Variants in LOC128462377 observed in about 807,000 individuals in gnomAD.
At chr16:89,407,852 C>CAAAAAA in the LOC128462377 span, among the ~76,000 whole-genome samples, 3 of 111,418 alleles carry the variant, frequency 2.7e-5, no homozygotes, top group Admixed American at 1.0e-4. Flanking sequence ...TGTCTCCCTC[C>CAAAAAA]AAAAAAAAAA....
chr16:89,360,312 G>T, the LOC128462377 span, among the ~76,000 whole-genome samples: 1 of 152,092 alleles, frequency 6.6e-6, no homozygotes, highest in East Asian at 1.9e-4. Context: ...GCCCAAGCTG[G>T]CCTGAAACTC....
At chr16:89,416,920 TG>T in the LOC128462377 span, among the ~76,000 whole-genome samples, 1 of 152,124 alleles carries the variant, frequency 6.6e-6, no homozygotes, top group Non-Finnish European at 1.5e-5. Context: ...CCCATGTACC[TG>T]GCCCCTCCAT....
the LOC128462377 span, among the ~76,000 whole-genome samples, chr16:89,338,123 G>A: frequency 1.2e-4 from 18 of 152,182 alleles, no homozygotes; most frequent in Non-Finnish European, 2.1e-4. Flanking sequence ...GACGCCGCCC[G>A]TCAGGCTCCC....
chr16:89,345,699 C>T, the LOC128462377 span, among the ~76,000 whole-genome samples: 4 of 152,166 alleles, frequency 2.6e-5, no homozygotes, highest in South Asian at 2.1e-4. Flanking sequence ...TGGCTCAGCA[C>T]GAGCTGAGTG....
the LOC128462377 span, among the ~76,000 whole-genome samples, chr16:89,371,159 G>A: frequency 2.6e-5 from 4 of 152,264 alleles, no homozygotes; most frequent in African/African-American, 7.2e-5. Flanking sequence ...GCACGTAAGT[G>A]GCTGGTCCCA....
the LOC128462377 span, among the ~76,000 whole-genome samples, chr16:89,394,823 T>C: frequency 4.4e-4 from 67 of 152,192 alleles, 1 homozygote; most frequent in African/African-American, 1.3e-3. Flanking sequence ...CATGAGGTTA[T>C]TGAGTTATTT....
the LOC128462377 span, among the ~76,000 whole-genome samples, chr16:89,406,303 C>T: frequency 6.6e-6 from 1 of 152,154 alleles, no homozygotes; most frequent in African/African-American, 2.4e-5. Flanking sequence ...ACGGCACTGA[C>T]AGAAGCACAG....
the LOC128462377 span, among the ~76,000 whole-genome samples, chr16:89,332,351 G>A: frequency 1.3e-5 from 2 of 152,152 alleles, no homozygotes; most frequent in Non-Finnish European, 1.5e-5. Flanking sequence ...AGCACCTCTG[G>A]TGGGCTGTAC....
At chr16:89,326,142 G>C in the LOC128462377 span, among the ~76,000 whole-genome samples, 1 of 152,242 alleles carries the variant, frequency 6.6e-6, no homozygotes, top group Admixed American at 6.5e-5. Context: ...AAGCAGGCGT[G>C]TGTGTTAAAG....
chr16:89,359,623 A>T, the LOC128462377 span, among the ~76,000 whole-genome samples: 1 of 152,272 alleles, frequency 6.6e-6, no homozygotes, highest in South Asian at 2.1e-4. Context: ...AGAGCTGCTC[A>T]TTTCAGCTTC....
the LOC128462377 span, chr16:89,418,160 C>T: frequency 7.4e-6 from 3 of 408,142 alleles, no homozygotes; most frequent in South Asian, 3.4e-5. Context: ...AAATTCACAA[C>T]ATTTCGACAA....
the LOC128462377 span, among the ~76,000 whole-genome samples, chr16:89,318,843 C>T: frequency 8.4e-3 from 1,280 of 152,330 alleles, 8 homozygotes; most frequent in Non-Finnish European, 0.014. Context: ...CCTCCACCCG[C>T]GGTGCAGGTG....
chr16:89,335,907 G>C, the LOC128462377 span, among the ~76,000 whole-genome samples: 30 of 152,274 alleles, frequency 2.0e-4, no homozygotes, highest in Non-Finnish European at 4.1e-4. Flanking sequence ...GCAGCTGACT[G>C]GCCAGACCCC....
At chr16:89,408,417 G>T in the LOC128462377 span, among the ~76,000 whole-genome samples, 2 of 152,240 alleles carry the variant, frequency 1.3e-5, no homozygotes, top group African/African-American at 4.8e-5. Context: ...GGAGGAAGAG[G>T]ATGGCAGGTA....
At chr16:89,351,204 C>T in the LOC128462377 span, among the ~76,000 whole-genome samples, 1 of 152,236 alleles carries the variant, frequency 6.6e-6, no homozygotes, top group African/African-American at 2.4e-5. Flanking sequence ...GCGGCGGCAG[C>T]TGGTGGTGGG....
At chr16:89,364,009 A>T in the LOC128462377 span, among the ~76,000 whole-genome samples, 1 of 151,768 alleles carries the variant, frequency 6.6e-6, no homozygotes, top group Non-Finnish European at 1.5e-5. Context: ...GTGGTGAGCT[A>T]TCATTGTGCC....
At chr16:89,336,753 T>G in the LOC128462377 span, among the ~76,000 whole-genome samples, 6 of 152,232 alleles carry the variant, frequency 3.9e-5, no homozygotes, top group African/African-American at 1.4e-4. Context: ...GCTTCTAATG[T>G]TCTGACTACA....
the LOC128462377 span, among the ~76,000 whole-genome samples, chr16:89,362,786 C>A: frequency 0.015 from 2,232 of 152,216 alleles, 52 homozygotes; most frequent in African/African-American, 0.051. Context: ...TGTTCCTCTT[C>A]CTTAGTTGAA....
the LOC128462377 span, chr16:89,324,360 G>C: frequency 5.5e-5 from 54 of 981,844 alleles, 3 homozygotes; most frequent in African/African-American, 4.7e-4. Flanking sequence ...GAGGGAAAAA[G>C]CCAGGAGGGC....
Sources: allele counts gnomAD v4.1 joint callset (sites outside exome capture counted in the v4.1 genomes callset), GRCh38; gene constraint gnomAD v4.1.1; transcripts MANE v1.5.